TMEM182: variants seen among roughly 807,000 people sequenced by gnomAD.
The protein encoded by TMEM182 is transmembrane protein 182.
In TMEM182, 20 loss-of-function variants were observed where a neutral mutation model predicts 26.8. That is an observed-to-expected ratio of 0.75 (90% CI 0.53 to 1.09). The LOEUF is 1.09. Among genes scored for constraint, TMEM182 ranks in the 50% least tolerant of loss-of-function variants. TMEM182 has a pLI of 0.00. For missense variants in TMEM182, 277 were observed against 275.5 expected (o/e 1.01, Z -0.04); for synonymous variants, 109 against 102.2 (o/e 1.07, Z -0.40).
intron 2 of TMEM182, 144 bp from the exon 3 acceptor site, chr2:102,764,185 A>T: frequency 1.3e-6 from 1 of 743,914 alleles, no homozygotes; most frequent in Non-Finnish European, 2.2e-6. Context: ...CTTCCTCCTC[A>T]CAACAATTCG....
rs1286342546 is a variant in TMEM182, at chr2:102,764,370, T to A, written c.274T>A (p.Ser92Thr). Residue 92 changes from serine to threonine, a missense_variant, in exon 3 of 5, where the codon TCT (serine) becomes ACT (threonine). Coordinates refer to ENST00000412401, the MANE Select transcript of TMEM182 (RefSeq NM_144632.5). ...PSKNCTHAYL[S>T]PYPFMRGEHN... ...CAAGAACTGCACACATGCTTACCTGTCTCCGTACCCCTTCATGAGAGGCGA... is the reference window on the plus strand; with the variant it reads ...CAAGAACTGCACACATGCTTACCTGACTCCGTACCCCTTCATGAGAGGCGA... 3 of 1,613,886 alleles carry A rather than the reference T, an allele frequency of 1.9e-6. No individual in the cohort carries two copies. The highest frequency in any genetic ancestry group is 2.5e-6 in the Non-Finnish European group (3 of 1,179,934).
chr2:102,788,393 G>C (rs1300747286), intron 3 of TMEM182, among the ~76,000 whole-genome samples: 2 of 152,176 alleles, frequency 1.3e-5, no homozygotes, highest in Non-Finnish European at 2.9e-5. Context: ...TGGAGCTGGA[G>C]ATTTGGCCCT....
chr2:102,837,235 G>GGT (rs1558796164), intron 3 of TMEM182, among the ~76,000 whole-genome samples: 6 of 151,050 alleles, frequency 4.0e-5, no homozygotes, highest in African/African-American at 1.5e-4. Context: ...AAGTTTGTGG[G>GGT]TTTTTTTTTG....
chr2:102,770,678 C>T (rs1336678310), intron 3 of TMEM182, among the ~76,000 whole-genome samples: 2 of 152,106 alleles, frequency 1.3e-5, no homozygotes, highest in Admixed American at 6.5e-5. Flanking sequence ...AAACCGCACA[C>T]GGATGCTTGG....
chr2:102,797,909 T>G lies in TMEM182; in HGVS notation c.378T>G (p.Ala126=). The change falls in exon 4 of 5, where the codon GCT becomes GCG. Residue 126 remains alanine, a synonymous_variant. Transcript: ENST00000412401. ...WAVLMLLGVV[A]VVIASFLIIC... ...TCCTGATGCTCCTGGGGGTAGTTGC[T>G]GTAGTCATCGCAAGCTTTTTGATCA... The G allele has an allele frequency of 6.2e-7, 1 of 1,614,152 alleles. No individual in the cohort carries two copies. The highest frequency in any genetic ancestry group is 8.5e-7 in the Non-Finnish European group (1 of 1,180,008).
rs914357314 is a variant in TMEM182 at position 102,817,435 on chromosome 2, T to C, written c.*2467T>C. On this transcript the variant is annotated 3_prime_UTR_variant, in exon 5 of 5. Coordinates refer to ENST00000412401, the MANE Select transcript of TMEM182 (RefSeq NM_144632.5). ...GGTGAAAGCTATCATCTCTCCATAT[T>C]GTATTTGTTCAGCTGGTTTAATTCA... 2.0e-6 allele frequency: 2 copies of C among 985,336 alleles called. No individual in the cohort carries two copies. The highest frequency in any genetic ancestry group is 4.7e-5 in the South Asian group (1 of 21,292). The allele number at this position is 985,336 out of a possible 1,614,324, so 61.0% of individuals were successfully genotyped here.
At position 102,816,189 on chromosome 2, in the gene TMEM182, TCG is replaced by T; in HGVS notation, c.*1222_*1223del. ...ATCAAATCCATCTGAGATGCCTAGC[TCG>T]TATTTGCATTCTGGAAGCCTCCATC... On this transcript the variant is annotated 3_prime_UTR_variant, in exon 5 of 5. Transcript: ENST00000412401. 1 of 985,404 alleles carries T rather than the reference TCG, an allele frequency of 1.0e-6. No homozygotes were observed. Among genetic ancestry groups the T allele is most frequent in the Non-Finnish European group, 1.2e-6 (1 of 829,942 alleles). 61.0% of individuals were successfully genotyped at this position (985,404 alleles called of 1,614,324 possible).
At chr2:102,791,508 T>C (rs73005319) in intron 3 of TMEM182, among the ~76,000 whole-genome samples, 2,311 of 152,304 alleles carry the variant, frequency 0.015, 62 homozygotes, top group African/African-American at 0.052. Context: ...ACATCTGTTG[T>C]TGGACTGATT....
At chr2:102,819,717 T>C (rs530244736), downstream of TMEM182, among the ~76,000 whole-genome samples, 2 of 152,362 alleles carry the variant, frequency 1.3e-5, no homozygotes, top group South Asian at 4.1e-4. Context: ...TTACATTATA[T>C]TATATGTGCA....
chr2:102,831,364 A>G (rs1024474676), intron 3 of TMEM182, among the ~76,000 whole-genome samples: 1 of 152,218 alleles, frequency 6.6e-6, no homozygotes. Context: ...TGTATTCTAC[A>G]TTTTAACCAA....
intron 3 of TMEM182, among the ~76,000 whole-genome samples, chr2:102,776,138 C>CTTTATCTTGGTACGTTTGTTACAA (rs1680906430): frequency 6.6e-6 from 1 of 152,050 alleles, no homozygotes; most frequent in Non-Finnish European, 1.5e-5. Context: ...TAACATCTTG[C>CTTTATCTTGGTACGTTTGTTACAA]TTTATCTTGG....
intron 3 of TMEM182, among the ~76,000 whole-genome samples, chr2:102,825,234 T>A (rs182521356): frequency 6.6e-6 from 1 of 152,294 alleles, no homozygotes; most frequent in East Asian, 1.9e-4. Context: ...TTCCAAGCTG[T>A]TTTTCTTTAC....
intron 1 of TMEM182, among the ~76,000 whole-genome samples, chr2:102,750,088 GA>G (rs946327449): frequency 2.0e-5 from 3 of 150,790 alleles, no homozygotes; most frequent in African/African-American, 2.4e-5. Context: ...CCTCAATAAT[GA>G]AAAAAAAGCA....
At chr2:102,805,360 G>A (rs1413716111) in intron 4 of TMEM182, among the ~76,000 whole-genome samples, 8 of 152,168 alleles carry the variant, frequency 5.3e-5, no homozygotes, top group African/African-American at 1.9e-4. Flanking sequence ...AGAGAGGAAT[G>A]AGAATGTGAA....
intron 4 of TMEM182, among the ~76,000 whole-genome samples, chr2:102,800,732 G>A (rs751096496): frequency 2.0e-5 from 3 of 150,362 alleles, no homozygotes; most frequent in Non-Finnish European, 4.4e-5. Flanking sequence ...ATGTATTATG[G>A]GCAGCATGAT....
At chr2:102,803,075 C>T (rs1682213722) in intron 4 of TMEM182, among the ~76,000 whole-genome samples, 2 of 152,170 alleles carry the variant, frequency 1.3e-5, no homozygotes, top group Non-Finnish European at 2.9e-5. Flanking sequence ...AGCCCCTATT[C>T]CAGGTCCAGG....
intron 4 of TMEM182, among the ~76,000 whole-genome samples, chr2:102,807,122 G>A (rs1682378790): frequency 6.6e-6 from 1 of 152,172 alleles, no homozygotes; most frequent in Non-Finnish European, 1.5e-5. Flanking sequence ...AAATTGTTAT[G>A]ACAATCTAAG....
At chr2:102,758,257 A>T, upstream of TMEM182, 2 of 508,718 alleles carry the variant, frequency 3.9e-6, no homozygotes, top group East Asian at 6.5e-5. Flanking sequence ...GGAAGAGAGA[A>T]CCTATGTCTC....
chr2:102,752,679 C>T (rs1420097761), intron 1 of TMEM182, among the ~76,000 whole-genome samples: 1 of 152,194 alleles, frequency 6.6e-6, no homozygotes, highest in Non-Finnish European at 1.5e-5. Context: ...GGCCATATGA[C>T]CTGAACTTGC....
Sources: gnomAD v4.1 joint callset for allele counts (sites outside exome capture counted in the v4.1 genomes callset) on GRCh38, gnomAD v4.1.1 for gene constraint, MANE v1.5 for transcripts, NCBI Gene and HGNC (gene_info 2026-07-23, HGNC 2026-07-21) for gene names.